Variants in LYN observed in about 807,000 individuals in gnomAD.
LYN encodes the protein tyrosine-protein kinase Lyn.
LYN carries 12 observed loss-of-function variants against 65.0 expected under a neutral mutation model. The observed-to-expected ratio is 0.18, with a 90% CI of 0.12 to 0.30. LYN has a LOEUF of 0.30. Ranked by LOEUF, LYN falls within the 10% of genes least tolerant of loss-of-function variation. The pLI is 1.00. For synonymous variants in LYN, 222 were observed against 221.2 expected, an observed-to-expected ratio of 1.00 and a Z score of -0.03; for missense variants, 380 against 623.2, an observed-to-expected ratio of 0.61 and a Z score of 4.16.
chr8:55,946,475 C>G lies in LYN; in HGVS notation c.160C>G (p.Gln54Glu). ...TCCAGAATCTCAGCTTTTACCTGGA[C>G]AGAGGTTTCAAACTAAAGGTATGTT... Reference protein sequence around the residue: ...PVPESQLLPGQRFQTKDPEEQ... With the variant: ...PVPESQLLPGERFQTKDPEEQ... The change falls in exon 3 of 13, where the codon CAG becomes GAG. Residue 54 changes from glutamine to glutamate, a missense_variant. By Grantham distance (29) the Gln-to-Glu change is conservative. Coordinates refer to ENST00000519728, the MANE Select transcript of LYN (RefSeq NM_002350.4). 4 of 1,610,014 alleles carry G rather than the reference C, an allele frequency of 2.5e-6. No individual in the cohort carries two copies. Among genetic ancestry groups the G allele is most frequent in the East Asian group, 2.2e-5 (1 of 44,850 alleles).
chr8:55,895,947 C>G (rs1467544582), intron 1 of LYN, among the ~76,000 whole-genome samples: 1 of 152,178 alleles, frequency 6.6e-6, no homozygotes, highest in Non-Finnish European at 1.5e-5. Flanking sequence ...TAGATTCACT[C>G]ATGCATCATC....
chr8:55,891,572 A>G (rs1337578005), intron 1 of LYN, among the ~76,000 whole-genome samples: 1 of 152,172 alleles, frequency 6.6e-6, no homozygotes, highest in African/African-American at 2.4e-5. Flanking sequence ...TAATGGGTAC[A>G]GAGTTTCAGT....
intron 9 of LYN, among the ~76,000 whole-genome samples, chr8:55,968,750 C>A (rs1212124841): frequency 6.6e-6 from 1 of 152,184 alleles, no homozygotes; most frequent in Non-Finnish European, 1.5e-5. Flanking sequence ...TGGATGCAAC[C>A]TTTGATTCCA....
At chr8:55,924,897 G>A (rs771540049) in intron 1 of LYN, among the ~76,000 whole-genome samples, 102 of 149,252 alleles carry the variant, frequency 6.8e-4, no homozygotes, top group Non-Finnish European at 2.1e-4. Context: ...GCTGCAGTGC[G>A]GTGGTGCGAT....
At chr8:55,911,311 A>G (rs1458218680) in intron 1 of LYN, among the ~76,000 whole-genome samples, 23 of 116,626 alleles carry the variant, frequency 2.0e-4, no homozygotes, top group African/African-American at 7.6e-4. Flanking sequence ...TAGTAGAGAC[A>G]GGGTTTCACC....
At chr8:55,882,932 T>G (rs1454976601) in intron 1 of LYN, among the ~76,000 whole-genome samples, 1 of 152,180 alleles carries the variant, frequency 6.6e-6, no homozygotes, top group African/African-American at 2.4e-5. Context: ...CAACTTATGA[T>G]GAGGCTGTGT....
At chr8:55,887,603 C>CACATAT (rs775901867) in intron 1 of LYN, among the ~76,000 whole-genome samples, 2 of 111,980 alleles carry the variant, frequency 1.8e-5, no homozygotes, top group African/African-American at 6.6e-5. Flanking sequence ...CACACACACA[C>CACATAT]ATATATATAT....
intron 1 of LYN, chr8:55,902,761 T>C: frequency 5.8e-6 from 3 of 513,866 alleles, no homozygotes; most frequent in Non-Finnish European, 7.7e-6. Context: ...GCAATATGCA[T>C]ACTGTGATGG....
intron 10 of LYN, among the ~76,000 whole-genome samples, chr8:55,991,749 G>A (rs543271629): frequency 1.3e-5 from 2 of 152,258 alleles, no homozygotes; most frequent in African/African-American, 2.4e-5. Context: ...TTTGGTCATG[G>A]TGCACCCCCA....
chr8:55,999,359 C>G, intron 11 of LYN, 59 bp from the exon 12 acceptor site: 1 of 1,483,734 alleles, frequency 6.7e-7, no homozygotes, highest in East Asian at 2.3e-5. Flanking sequence ...GTCACATGTT[C>G]ATGACTTTTT....
In LYN at chr8:56,011,473, A is replaced by G. The variant is rs1372121125; in HGVS notation, c.*1363A>G. The G allele has an allele frequency of 4.9e-6, 1 of 202,568 alleles. No individual in the cohort carries two copies. Among genetic ancestry groups the G allele is most frequent in the Non-Finnish European group, 1.0e-5 (1 of 98,752 alleles). 12.5% of individuals were successfully genotyped at this position (202,568 alleles called of 1,614,324 possible). A position where few individuals can be genotyped will look rare whatever the true frequency, so the allele number is the denominator to read the frequency against. On this transcript the variant is annotated 3_prime_UTR_variant, in exon 13 of 13. Coordinates refer to ENST00000519728, the MANE Select transcript of LYN (RefSeq NM_002350.4). The stretch of plus-strand genomic sequence containing the variant: ...GGGCGGGGTGGTTAGAAGTGATTCA[A>G]CAGAGCTACATGCTTTAAACTTGCC...
In LYN at chr8:55,977,964, A is replaced by G. The variant is rs565917942; in HGVS notation, c.1050+8171A>G. Among the ~76,000 whole-genome samples, 8 of 152,274 alleles carry G rather than the reference A, an allele frequency of 5.3e-5. No individual in the cohort carries two copies. In the South Asian group the frequency reaches 8.3e-4, roughly 16 times the overall value. ...CAAACAGAGCTCGTCTCTAAAGGGT[A>G]CACTCTGAAACGGACAGGACTTCTT... On this transcript the variant is annotated intron_variant, in intron 10 of 12. Coordinates refer to ENST00000519728, the MANE Select transcript of LYN (RefSeq NM_002350.4).
intron 10 of LYN, among the ~76,000 whole-genome samples, chr8:55,974,255 C>T (rs975967824): frequency 1.3e-5 from 2 of 152,158 alleles, no homozygotes; most frequent in African/African-American, 2.4e-5. Context: ...TGCACTCAAC[C>T]CTACTGTGAT....
intron 1 of LYN, among the ~76,000 whole-genome samples, chr8:55,904,264 C>T (rs1043974316): frequency 1.3e-5 from 2 of 151,980 alleles, no homozygotes; most frequent in Non-Finnish European, 2.9e-5. Context: ...TATAGTGTAA[C>T]CAAATTCAGG....
chr8:55,912,509 G>A (rs939689037), intron 1 of LYN, among the ~76,000 whole-genome samples: 3 of 152,242 alleles, frequency 2.0e-5, no homozygotes, highest in South Asian at 2.1e-4. Flanking sequence ...CGGATCACCT[G>A]AGGTCCAGGA....
At chr8:55,907,463 C>T (rs1805459785) in intron 1 of LYN, among the ~76,000 whole-genome samples, 1 of 152,196 alleles carries the variant, frequency 6.6e-6, no homozygotes, top group Non-Finnish European at 1.5e-5. Context: ...GTCAAGGAAG[C>T]TCTGTGTCTG....
Position 55,994,803 on chromosome 8 carries a change from C to A in LYN, c.1051-3543C>A, listed in dbSNP as rs906365351. ...CTAAGAATTTTTAAAGGCTGCACTA[C>A]CATGGAGTGGAGCCGGGAGGCTGGG... is the stretch of plus-strand genomic sequence containing the variant. On this transcript the variant is annotated intron_variant, in intron 10 of 12. Transcript: ENST00000519728. 3.9e-5 allele frequency among the ~76,000 whole-genome samples: 6 copies of A among 152,240 alleles called. No homozygotes were observed. The South Asian group carries it at 1.0e-3, about 26-fold the overall frequency.
rs1392614267 is a variant in LYN, at chr8:55,887,615, T to TA, written c.-6+7512_-6+7513insA. On this transcript the variant is annotated intron_variant, in intron 1 of 12. Transcript: ENST00000519728. ...ACACACACACACACATATATATATA[T>TA]TTTTTTTTTCCTGAGACAGAGTCTT... Among the ~76,000 whole-genome samples, 137 of 91,102 alleles carry TA rather than the reference T, an allele frequency of 1.5e-3. 3 individuals are homozygous for TA. Among genetic ancestry groups the TA allele is most frequent in the South Asian group, 3.5e-3 (10 of 2,836 alleles). 59.8% of individuals were successfully genotyped at this position (91,102 alleles called of 152,430 possible).
intron 1 of LYN, among the ~76,000 whole-genome samples, chr8:55,921,790 C>T (rs548719191): frequency 2.9e-4 from 44 of 152,172 alleles, no homozygotes; most frequent in African/African-American, 1.0e-3. Flanking sequence ...GTGTTGATAG[C>T]AGTATTACAA....
Sources: allele counts gnomAD v4.1 joint callset (sites outside exome capture counted in the v4.1 genomes callset), GRCh38; gene constraint gnomAD v4.1.1; transcripts MANE v1.5; gene names NCBI Gene and HGNC (gene_info 2026-07-23, HGNC 2026-07-21).